Variants in DEPTOR observed in about 807,000 individuals in gnomAD.
DEPTOR encodes the protein DEP domain containing MTOR interacting protein.
DEPTOR carries 41 observed loss-of-function variants against 41.6 expected under a neutral mutation model. The ratio of observed to expected loss-of-function variants is 0.98; its 90% confidence interval spans 0.77 to 1.28. DEPTOR has a LOEUF of 1.28. Ranked by LOEUF, DEPTOR falls within the 50% of genes most tolerant of loss-of-function variation. DEPTOR has a pLI of 0.00. For missense variants in DEPTOR, 514 were observed against 527.9 expected, an observed-to-expected ratio of 0.97 and a Z score of 0.26; for synonymous variants, 195 against 192.3, an observed-to-expected ratio of 1.01 and a Z score of -0.12.
At chr8:120,019,038 C>T (rs1358827732) in intron 8 of DEPTOR, among the ~76,000 whole-genome samples, 2 of 152,172 alleles carry the variant, frequency 1.3e-5, no homozygotes, top group Non-Finnish European at 2.9e-5. Context: ...GCTGTGGTGG[C>T]TCACACCTGT....
chr8:120,023,075 G>A (rs1812744571), intron 8 of DEPTOR, among the ~76,000 whole-genome samples: 1 of 152,164 alleles, frequency 6.6e-6, no homozygotes, highest in Non-Finnish European at 1.5e-5. Flanking sequence ...AGCCAGCATG[G>A]TGAGGTGGGC....
intron 1 of DEPTOR, among the ~76,000 whole-genome samples, chr8:119,877,875 TA>T (rs1827249108): frequency 6.6e-6 from 1 of 152,182 alleles, no homozygotes; most frequent in Admixed American, 6.6e-5. Flanking sequence ...ATGACTATTG[TA>T]ACCTCCAGAT....
intron 8 of DEPTOR, among the ~76,000 whole-genome samples, chr8:120,013,921 C>T (rs947707444): frequency 6.6e-6 from 1 of 151,624 alleles, no homozygotes; most frequent in Admixed American, 6.6e-5. Flanking sequence ...CTCACTGCAA[C>T]CTCCACATCC....
intron 1 of DEPTOR, among the ~76,000 whole-genome samples, chr8:119,921,363 C>T (rs1021887084): frequency 1.3e-5 from 2 of 152,148 alleles, no homozygotes; most frequent in Admixed American, 1.3e-4. Flanking sequence ...AAAACACATA[C>T]GTGTGCAGTG....
chr8:119,976,385 C>T (rs757752635), intron 4 of DEPTOR, among the ~76,000 whole-genome samples: 62 of 151,882 alleles, frequency 4.1e-4, no homozygotes, highest in Middle Eastern at 6.8e-3. Flanking sequence ...GCAAAAAATA[C>T]GATATATATA....
intron 4 of DEPTOR, among the ~76,000 whole-genome samples, chr8:119,988,305 C>G (rs891188861): frequency 6.6e-6 from 1 of 152,116 alleles, no homozygotes; most frequent in African/African-American, 2.4e-5. Context: ...GAGGCAATGT[C>G]CCACTCTGCT....
intron 1 of DEPTOR, among the ~76,000 whole-genome samples, chr8:119,877,780 T>G (rs1192705608): frequency 6.6e-6 from 1 of 152,350 alleles, no homozygotes; most frequent in Admixed American, 6.5e-5. Flanking sequence ...TCTTCCCACA[T>G]AAGATTTGTG....
chr8:119,942,684 A>C (rs1052993951), intron 3 of DEPTOR, among the ~76,000 whole-genome samples: 1 of 152,150 alleles, frequency 6.6e-6, no homozygotes, highest in African/African-American at 2.4e-5. Context: ...GTAATTTTTC[A>C]ACTTGATAGA....
At chr8:119,922,495 G>A (rs151195989) in intron 1 of DEPTOR, among the ~76,000 whole-genome samples, 40 of 152,264 alleles carry the variant, frequency 2.6e-4, no homozygotes, top group Non-Finnish European at 4.6e-4. Flanking sequence ...ACTCAGTGTC[G>A]TTGTCACTGA....
At chr8:120,008,299 A>G (rs1850886) in intron 7 of DEPTOR, among the ~76,000 whole-genome samples, 101,117 of 151,882 alleles carry the variant, frequency 0.67, 34,459 homozygotes, top group Middle Eastern at 0.76. Flanking sequence ...AGGCTGAGGC[A>G]GGTGGATCAC....
At chr8:120,042,897 TG>T (rs1813098724) in intron 8 of DEPTOR, among the ~76,000 whole-genome samples, 1 of 151,928 alleles carries the variant, frequency 6.6e-6, no homozygotes, top group African/African-American at 2.4e-5. Flanking sequence ...TTGCTCAGGC[TG>T]GAGTGCAGTA....
At chr8:119,911,037 T>C (rs1827729370) in intron 1 of DEPTOR, among the ~76,000 whole-genome samples, 1 of 152,170 alleles carries the variant, frequency 6.6e-6, no homozygotes. Flanking sequence ...TTTTATCTTT[T>C]CAACACAGCA....
chr8:119,977,245 C>T (rs964017643), intron 4 of DEPTOR, among the ~76,000 whole-genome samples: 12 of 152,206 alleles, frequency 7.9e-5, no homozygotes, highest in East Asian at 7.8e-4. Flanking sequence ...TCAAGTGATC[C>T]GCCCGCCCTA....
intron 1 of DEPTOR, among the ~76,000 whole-genome samples, chr8:119,883,473 TAAAAAAA>T (rs386413817): frequency 8.9e-6 from 1 of 112,098 alleles, no homozygotes; most frequent in South Asian, 3.3e-4. Context: ...AGACTCGTCT[TAAAAAAA>T]AAAAAAAAAA....
At chr8:119,902,654 G>A (rs116380207) in intron 1 of DEPTOR, among the ~76,000 whole-genome samples, 2 of 152,124 alleles carry the variant, frequency 1.3e-5, no homozygotes, top group African/African-American at 4.8e-5. Context: ...AGGATTTTTT[G>A]ACTCCAAGTT....
chr8:119,952,420 C>T (rs1279543993), intron 3 of DEPTOR, among the ~76,000 whole-genome samples: 1 of 152,194 alleles, frequency 6.6e-6, no homozygotes, highest in Non-Finnish European at 1.5e-5. Context: ...AGCCCCTGAA[C>T]CTAGGTTCCC....
At chr8:119,889,637 GAGGGGAGGGGAGGA>G (rs1827423807) in intron 1 of DEPTOR, among the ~76,000 whole-genome samples, 2 of 99,428 alleles carry the variant, frequency 2.0e-5, no homozygotes, top group African/African-American at 3.9e-5. Context: ...AAGGGAAGGG[GAGGGGAGGGGAGGA>G]TGGGGAGGGG....
At chr8:119,923,387 C>G (rs1296105758) in intron 1 of DEPTOR, among the ~76,000 whole-genome samples, 1 of 151,852 alleles carries the variant, frequency 6.6e-6, no homozygotes, top group African/African-American at 2.4e-5. Context: ...GGGATTACAG[C>G]TGTGTGCCAC....
In DEPTOR at chr8:119,875,461, C is replaced by A. The variant is rs549851316; in HGVS notation, c.122+1493C>A. On this transcript the variant is annotated intron_variant, in intron 1 of 8. Coordinates refer to ENST00000286234, the MANE Select transcript of DEPTOR (RefSeq NM_022783.4). ...CCTTGGAGAATAAATGTTGAAGGAG[C>A]AGGAGGGTGTCTTGCTGAGAAGATT... Among the ~76,000 whole-genome samples, 3 of 152,050 alleles carry A rather than the reference C, an allele frequency of 2.0e-5. No individual in the cohort carries two copies. The South Asian group carries it at 6.2e-4, about 32-fold the overall frequency.
Sources: allele counts gnomAD v4.1 joint callset (sites outside exome capture counted in the v4.1 genomes callset), GRCh38; gene constraint gnomAD v4.1.1; transcripts MANE v1.5; gene names NCBI Gene and HGNC (gene_info 2026-07-23, HGNC 2026-07-21).